MYO3B: variants seen among roughly 807,000 people sequenced by gnomAD.
The protein encoded by MYO3B is myosin-IIIb.
In MYO3B, 156 loss-of-function variants were observed where a neutral mutation model predicts 174.6. The observed-to-expected ratio is 0.89, with a 90% CI of 0.78 to 1.02. The LOEUF (loss-of-function observed/expected upper bound fraction) is 1.02, where lower values mean the gene tolerates loss of function less well. Among genes scored for constraint, MYO3B ranks in the 50% least tolerant of loss-of-function variants. The probability of loss-of-function intolerance (pLI) is 0.00; values close to 1 mark genes in which losing one functional copy is unlikely to be tolerated. For missense variants in MYO3B, 1,632 were observed against 1,639.4 expected, an observed-to-expected ratio of 1.00 and a Z score of 0.08; for synonymous variants, 563 against 569.1, an observed-to-expected ratio of 0.99 and a Z score of 0.15.
intron 28 of MYO3B, among the ~76,000 whole-genome samples, chr2:170,507,256 C>G (rs963709977): frequency 1.3e-5 from 2 of 152,022 alleles, no homozygotes; most frequent in African/African-American, 4.8e-5. Context: ...CATCCGCCTA[C>G]CCCCCCATCT....
chr2:170,363,480 G>A (rs1414238656), intron 8 of MYO3B, among the ~76,000 whole-genome samples: 2 of 152,114 alleles, frequency 1.3e-5, no homozygotes, highest in African/African-American at 2.4e-5. Context: ...CAGCATTATT[G>A]TCTTGGAGCA....
chr2:170,214,917 C>A, intron 5 of MYO3B, 89 bp downstream of exon 5: 2 of 970,830 alleles, frequency 2.1e-6, no homozygotes, highest in Non-Finnish European at 1.6e-6. Context: ...TGGGGCTTCT[C>A]TGCTACACCA....
intron 7 of MYO3B, chr2:170,332,187 A>G (rs1016343112): frequency 2.0e-5 from 3 of 152,172 alleles, no homozygotes; most frequent in African/African-American, 7.2e-5. Flanking sequence ...CAGCCTTAAG[A>G]AAGGAAGATG....
chr2:170,228,187 C>T (rs1204863697), intron 6 of MYO3B, among the ~76,000 whole-genome samples: 1 of 152,126 alleles, frequency 6.6e-6, no homozygotes, highest in African/African-American at 2.4e-5. Flanking sequence ...CAGCATTCTC[C>T]ATAATTATAA....
chr2:170,421,118 G>C (rs1005452704), intron 22 of MYO3B, among the ~76,000 whole-genome samples: 1 of 152,192 alleles, frequency 6.6e-6, no homozygotes, highest in Non-Finnish European at 1.5e-5. Flanking sequence ...AGTGCGATTT[G>C]TGGACGGTTT....
At chr2:170,396,270 T>A (rs2094441680) in intron 16 of MYO3B, among the ~76,000 whole-genome samples, 1 of 152,130 alleles carries the variant, frequency 6.6e-6, no homozygotes, top group South Asian at 2.1e-4. Flanking sequence ...GTAAAGAAGG[T>A]GAAAAAACCT....
chr2:170,574,863 T>C (rs371699296), intron 32 of MYO3B, among the ~76,000 whole-genome samples: 1 of 152,188 alleles, frequency 6.6e-6, no homozygotes. Context: ...TAGAGGCAAA[T>C]GAACTTGGAC....
intron 7 of MYO3B, among the ~76,000 whole-genome samples, chr2:170,258,561 GAA>G (rs1468523185): frequency 1.3e-5 from 2 of 151,868 alleles, no homozygotes; most frequent in Non-Finnish European, 3.0e-5. Flanking sequence ...GGAACATCCT[GAA>G]AATAATGAGT....
chr2:170,234,730 T>G (rs2093052621), intron 6 of MYO3B, among the ~76,000 whole-genome samples: 1 of 152,164 alleles, frequency 6.6e-6, no homozygotes, highest in Non-Finnish European at 1.5e-5. Flanking sequence ...TAAATACCAA[T>G]TCTATTCTGG....
chr2:170,459,150 A>G (rs1684092533), intron 23 of MYO3B, among the ~76,000 whole-genome samples: 1 of 152,236 alleles, frequency 6.6e-6, no homozygotes, highest in African/African-American at 2.4e-5. Context: ...TTTATTGCGA[A>G]GAGTGAAAGA....
At chr2:170,374,332 T>G (rs1268651961) in intron 9 of MYO3B, among the ~76,000 whole-genome samples, 2 of 152,112 alleles carry the variant, frequency 1.3e-5, no homozygotes, top group Non-Finnish European at 2.9e-5. Context: ...GATCTAGTCC[T>G]GGGACTGGCT....
At chr2:170,451,603 T>C (rs1225657872) in intron 23 of MYO3B, among the ~76,000 whole-genome samples, 1 of 152,270 alleles carries the variant, frequency 6.6e-6, no homozygotes, top group Admixed American at 6.5e-5. Context: ...TTAAAGTTTC[T>C]ATTTTTCTAA....
At chr2:170,458,850 C>T (rs966149059) in intron 23 of MYO3B, among the ~76,000 whole-genome samples, 11 of 152,174 alleles carry the variant, frequency 7.2e-5, no homozygotes, top group Admixed American at 2.0e-4. Context: ...CCTCACCAAC[C>T]GAAGACCTTT....
intron 3 of MYO3B, among the ~76,000 whole-genome samples, chr2:170,207,711 T>C (rs953877772): frequency 1.6e-4 from 24 of 151,064 alleles, no homozygotes; most frequent in African/African-American, 5.9e-4. Context: ...TAGTCTAAAG[T>C]GCATCCCAGG....
chr2:170,580,718 A>ATT (rs768974458), intron 32 of MYO3B, among the ~76,000 whole-genome samples: 1 of 142,702 alleles, frequency 7.0e-6, no homozygotes, highest in African/African-American at 2.6e-5. Flanking sequence ...AACCTTATAT[A>ATT]TGTGTGTGTG....
chr2:170,577,757 A>C (rs142050719), intron 32 of MYO3B, among the ~76,000 whole-genome samples: 8 of 152,350 alleles, frequency 5.3e-5, no homozygotes, highest in African/African-American at 1.4e-4. Flanking sequence ...GCAGAGAAGC[A>C]TTTCATTAGC....
intron 32 of MYO3B, among the ~76,000 whole-genome samples, chr2:170,609,202 A>G (rs1694992758): frequency 6.6e-6 from 1 of 152,210 alleles, no homozygotes; most frequent in East Asian, 1.9e-4. Flanking sequence ...TTAATGAGAA[A>G]TAGATGCCTC....
chr2:170,554,962 A>G (rs549266982), intron 32 of MYO3B, among the ~76,000 whole-genome samples: 1 of 152,342 alleles, frequency 6.6e-6, no homozygotes, highest in South Asian at 2.1e-4. Context: ...ACAGCTGCCT[A>G]GTTTATTTCA....
chr2:170,187,689 T>C (rs1179406132), intron 1 of MYO3B, among the ~76,000 whole-genome samples: 1 of 152,216 alleles, frequency 6.6e-6, no homozygotes, highest in Non-Finnish European at 1.5e-5. Context: ...TTTGATACAA[T>C]ACACTTTTAT....
Sources: allele counts gnomAD v4.1 joint callset (sites outside exome capture counted in the v4.1 genomes callset), GRCh38; gene constraint gnomAD v4.1.1; transcripts MANE v1.5; gene names NCBI Gene and HGNC (gene_info 2026-07-23, HGNC 2026-07-21).